ZNF563: variants seen among roughly 807,000 people sequenced by gnomAD.
The protein encoded by ZNF563 is zinc finger protein 563.
Under a neutral mutation model 48.5 loss-of-function variants are expected in ZNF563, and 39 were observed. The observed-to-expected ratio is 0.80, with a 90% CI of 0.62 to 1.05. The LOEUF (loss-of-function observed/expected upper bound fraction) is 1.05. Among genes scored for constraint, ZNF563 ranks in the 50% least tolerant of loss-of-function variants. The pLI is 0.00. For missense variants in ZNF563, 538 were observed against 597.0 expected (o/e 0.90, Z 1.03); for synonymous variants, 168 against 187.9 (o/e 0.89, Z 0.87).
rs1258193507 is a variant in ZNF563 at position 12,319,068 on chromosome 19, A to T, written c.957T>A (p.His319Gln). The T allele has an allele frequency of 6.2e-7, 1 of 1,614,166 alleles. No individual in the cohort carries two copies. The highest frequency in any genetic ancestry group is 1.6e-4 in the Middle Eastern group (1 of 6,062). Residue 319 changes from histidine to glutamine, a missense_variant, in exon 4 of 4, where the codon CAT (histidine) becomes CAA (glutamine). Transcript: ENST00000293725. ...TGTGTATCTGAAAGCTTCCAAGATG[A>T]TGAAATGTTTTCCCGCATTGCTTAC... Reference protein sequence around the residue: ...YECKQCGKTFHHLGSFQIHMK... With the variant: ...YECKQCGKTFQHLGSFQIHMK...
In ZNF563 at chr19:12,317,477, T is replaced by C. The variant is rs1968467263; in HGVS notation, c.*1117A>G. The C allele has an allele frequency of 2.3e-5, 2 of 87,668 alleles. No individual in the cohort carries two copies. The highest frequency in any genetic ancestry group is 1.3e-4 in the African/African-American group (2 of 15,824). The allele number at this position is 87,668 out of a possible 1,614,324, so 5.4% of individuals were successfully genotyped here. On this transcript the variant is annotated 3_prime_UTR_variant, in exon 4 of 4. Transcript: ENST00000293725. The stretch of plus-strand genomic sequence containing the variant: ...CCAAATATGTCTTTTCTTTCTTTCC[T>C]TTTTTTTTTTTTTTGTGTGTGTGAC...
At chr19:12,322,553 T>C (rs1399453222) in intron 2 of ZNF563, 32 bp downstream of exon 2, 2 of 1,563,348 alleles carry the variant, frequency 1.3e-6, no homozygotes, top group South Asian at 1.1e-5. Context: ...ATGTCTGTAA[T>C]TGATTAAGTG....
intron 1 of ZNF563, among the ~76,000 whole-genome samples, chr19:12,329,454 C>T (rs1044680611): frequency 5.3e-5 from 7 of 131,592 alleles, no homozygotes; most frequent in African/African-American, 2.1e-4. Flanking sequence ...GCCTGGGTGA[C>T]AGAGCAAGAC....
At chr19:12,341,833 C>G in the ZNF563 span, among the ~76,000 whole-genome samples, 1 of 152,040 alleles carries the variant, frequency 6.6e-6, no homozygotes, top group African/African-American at 2.4e-5. Context: ...AATGAAATAA[C>G]TTCAACAACA....
chr19:12,335,171 G>A (rs1363882537), upstream of ZNF563, among the ~76,000 whole-genome samples: 1 of 152,140 alleles, frequency 6.6e-6, no homozygotes, highest in African/African-American at 2.4e-5. Flanking sequence ...GACCTTGGAA[G>A]AAGCCTCAGA....
chr19:12,334,751 C>A (rs973663253), upstream of ZNF563, among the ~76,000 whole-genome samples: 1 of 151,500 alleles, frequency 6.6e-6, no homozygotes, highest in Non-Finnish European at 1.5e-5. Context: ...CACCTGTAAT[C>A]CCAGCTACTC....
chr19:12,320,076 G>A (rs756952037), intron 3 of ZNF563, among the ~76,000 whole-genome samples: 38 of 152,012 alleles, frequency 2.5e-4, no homozygotes, highest in Non-Finnish European at 4.4e-4. Context: ...ACGCCACCAC[G>A]CCCAGCTAAT....
In ZNF563 at chr19:12,319,739, T is replaced by C; in HGVS notation, c.286A>G (p.Ile96Val). 6.2e-7 allele frequency: 1 copy of C among 1,614,200 alleles called. No individual in the cohort carries two copies. Among genetic ancestry groups the C allele is most frequent in the East Asian group, 2.2e-5 (1 of 44,886 alleles). Residue 96 changes from isoleucine to valine, a missense_variant, in exon 4 of 4, where the codon ATT becomes GTT. Transcript: ENST00000293725. Reference sequence around the variant, plus strand: ...TGACATGGATCTTCTCCAGGACAAATGCTGTTGTTCACAATACTATCTCGA... The same window carrying C: ...TGACATGGATCTTCTCCAGGACAAACGCTGTTGTTCACAATACTATCTCGA... The part of the protein sequence containing the change: ...LIRDSIVNNS[I>V]CPGEDPCQSA...
chr19:12,346,278 G>A, the ZNF563 span: 1 of 151,988 alleles, frequency 6.6e-6, no homozygotes, highest in East Asian at 1.9e-4. Flanking sequence ...ATTTTAATGA[G>A]CAAAGGATTT....
chr19:12,331,644 G>C (rs977258185), intron 1 of ZNF563, among the ~76,000 whole-genome samples: 1 of 152,142 alleles, frequency 6.6e-6, no homozygotes, highest in Non-Finnish European at 1.5e-5. Context: ...CCCACCACAG[G>C]GTATCCAGCT....
intron 1 of ZNF563, among the ~76,000 whole-genome samples, chr19:12,330,112 G>A (rs555603204): frequency 3.9e-5 from 6 of 152,186 alleles, no homozygotes; most frequent in Non-Finnish European, 8.8e-5. Flanking sequence ...GTAGAGACGG[G>A]CTTCCCCATG....
At chr19:12,332,213 A>T (rs1968935944) in intron 1 of ZNF563, among the ~76,000 whole-genome samples, 1 of 152,188 alleles carries the variant, frequency 6.6e-6, no homozygotes, top group Non-Finnish European at 1.5e-5. Context: ...AATTAGGGAA[A>T]GGCTAAAGGG....
At chr19:12,324,771 T>C (rs570298251) in intron 1 of ZNF563, 1 of 149,566 alleles carries the variant, frequency 6.7e-6, no homozygotes, top group Non-Finnish European at 1.5e-5. Flanking sequence ...GTGACAGCTT[T>C]GCAAAAACAG....
At chr19:12,322,820 A>G (rs2145805198) in intron 1 of ZNF563, 109 bp from the exon 2 acceptor site, 1 of 1,199,158 alleles carries the variant, frequency 8.3e-7, no homozygotes, top group East Asian at 3.2e-5. Flanking sequence ...CATTTATTCA[A>G]TGATGTAGTA....
intron 3 of ZNF563, among the ~76,000 whole-genome samples, chr19:12,320,524 G>A (rs911249361): frequency 5.3e-5 from 8 of 150,462 alleles, no homozygotes; most frequent in African/African-American, 1.5e-4. Context: ...TTTTTGAGAC[G>A]GAGTCTTGCT....
chr19:12,321,939 G>T (rs1968635809), intron 2 of ZNF563, among the ~76,000 whole-genome samples: 1 of 152,030 alleles, frequency 6.6e-6, no homozygotes. Flanking sequence ...TCTTCTTTAT[G>T]ATTTTCCTAT....
At chr19:12,342,917 C>T in the ZNF563 span, among the ~76,000 whole-genome samples, 2 of 151,800 alleles carry the variant, frequency 1.3e-5, no homozygotes. Flanking sequence ...GCATTAATTG[C>T]CTGGGTGCGG....
At chr19:12,321,134 T>C in intron 3 of ZNF563, 138 bp downstream of exon 3, 1 of 581,404 alleles carries the variant, frequency 1.7e-6, no homozygotes, top group South Asian at 2.4e-5. Context: ...AGCAAGGCCC[T>C]GACTAAAAAA....
intron 2 of ZNF563, 120 bp downstream of exon 2, chr19:12,322,465 T>A: frequency 9.0e-7 from 1 of 1,112,166 alleles, no homozygotes; most frequent in African/African-American, 1.6e-5. Flanking sequence ...CACCTCTGAA[T>A]TCTGTGTTGT....
Sources: allele counts gnomAD v4.1 joint callset (sites outside exome capture counted in the v4.1 genomes callset), GRCh38; gene constraint gnomAD v4.1.1; transcripts MANE v1.5; gene names NCBI Gene and HGNC (gene_info 2026-07-23, HGNC 2026-07-21).